The following GALNT2 variants were observed in gnomAD, a reference collection of about 807,000 sequenced individuals.
GALNT2 encodes the protein UDP-GalNAc:polypeptide N-acetylgalactosaminyltransferase 2.
In GALNT2, 31 loss-of-function variants were observed where a neutral mutation model predicts 81.4. The observed-to-expected ratio is 0.38, with a 90% confidence interval of 0.29 to 0.51. The LOEUF (loss-of-function observed/expected upper bound fraction) is 0.51. GALNT2 is among the 20% of genes least tolerant of loss of function. The pLI, the probability that GALNT2 is intolerant of heterozygous loss-of-function variation, is 0.87. For missense variants in GALNT2, 629 were observed against 765.7 expected, an observed-to-expected ratio of 0.82 and a Z score of 2.11; for synonymous variants, 303 against 287.4, an observed-to-expected ratio of 1.05 and a Z score of -0.55.
chr1:230,245,395 C>T (rs1162055867), intron 7 of GALNT2, among the ~76,000 whole-genome samples: 1 of 151,674 alleles, frequency 6.6e-6, no homozygotes, highest in Non-Finnish European at 1.5e-5. Flanking sequence ...ACCCGCGAGG[C>T]GGCGGTTGTG....
At chr1:230,059,855 C>T (rs559421300) in intron 1 of GALNT2, among the ~76,000 whole-genome samples, 1 of 152,206 alleles carries the variant, frequency 6.6e-6, no homozygotes, top group Non-Finnish European at 1.5e-5. Flanking sequence ...GCCCCCTTAA[C>T]CCTTGATACT....
upstream of GALNT2, among the ~76,000 whole-genome samples, chr1:230,064,025 A>G (rs1453102626): frequency 6.6e-6 from 1 of 152,156 alleles, no homozygotes; most frequent in Non-Finnish European, 1.5e-5. Flanking sequence ...TGCTATTTTT[A>G]GAACTTTTGG....
At chr1:230,195,926 C>A (rs1427007143) in intron 2 of GALNT2, among the ~76,000 whole-genome samples, 1 of 152,106 alleles carries the variant, frequency 6.6e-6, no homozygotes, top group Non-Finnish European at 1.5e-5. Flanking sequence ...AGGGGCAGGG[C>A]CTTCCTGAGC....
chr1:230,234,807 G>A (rs1451274690), intron 3 of GALNT2, among the ~76,000 whole-genome samples: 1 of 152,182 alleles, frequency 6.6e-6, no homozygotes, highest in East Asian at 1.9e-4. Flanking sequence ...TGTAGACCCT[G>A]CTTTGAAGGG....
intron 1 of GALNT2, among the ~76,000 whole-genome samples, chr1:230,124,122 T>G (rs963362571): frequency 3.3e-5 from 5 of 152,154 alleles, no homozygotes; most frequent in Non-Finnish European, 7.4e-5. Flanking sequence ...TAAAAAGAAG[T>G]AAAGACATTG....
intron 2 of GALNT2, among the ~76,000 whole-genome samples, chr1:230,182,996 T>TTG (rs1335781602): frequency 6.6e-6 from 1 of 152,236 alleles, no homozygotes; most frequent in African/African-American, 2.4e-5. Context: ...TAAAAAATCA[T>TTG]TGTGTAGTTC....
At chr1:230,100,873 G>A (rs537391224) in intron 1 of GALNT2, among the ~76,000 whole-genome samples, 2 of 151,278 alleles carry the variant, frequency 1.3e-5, no homozygotes, top group East Asian at 3.9e-4. Flanking sequence ...AAATATACAT[G>A]TACACATGCG....
At chr1:230,190,690 A>T (rs1171152434) in intron 2 of GALNT2, among the ~76,000 whole-genome samples, 1 of 152,016 alleles carries the variant, frequency 6.6e-6, no homozygotes, top group Non-Finnish European at 1.5e-5. Flanking sequence ...GCAGTTCCCT[A>T]CCATCTGCTT....
At chr1:230,167,082 T>C (rs1371340535) in intron 1 of GALNT2, among the ~76,000 whole-genome samples, 2 of 140,504 alleles carry the variant, frequency 1.4e-5, no homozygotes, top group Non-Finnish European at 3.2e-5. Flanking sequence ...TTGCATATCA[T>C]TCTGAGACTC....
intron 1 of GALNT2, among the ~76,000 whole-genome samples, chr1:230,074,174 C>T (rs1338240936): frequency 6.6e-6 from 1 of 151,956 alleles, no homozygotes; most frequent in African/African-American, 2.4e-5. Flanking sequence ...CTAACTGTAG[C>T]CTCAAACTCC....
intron 13 of GALNT2, 38 bp from the exon 14 acceptor site, chr1:230,265,203 T>A: frequency 6.2e-7 from 1 of 1,613,624 alleles, no homozygotes; most frequent in Non-Finnish European, 8.5e-7. Flanking sequence ...CTGGTGGTCA[T>A]GTGCAGTGAA....
intron 1 of GALNT2, among the ~76,000 whole-genome samples, chr1:230,162,881 A>C (rs1662478543): frequency 6.6e-6 from 1 of 152,192 alleles, no homozygotes; most frequent in Non-Finnish European, 1.5e-5. Context: ...TCACATTTCC[A>C]CATGACTGTC....
chr1:230,167,727 C>T (rs748000238), intron 1 of GALNT2, among the ~76,000 whole-genome samples: 3 of 152,074 alleles, frequency 2.0e-5, no homozygotes, highest in Non-Finnish European at 4.4e-5. Flanking sequence ...TGGAGCAGCA[C>T]GGGTGTGAAA....
intron 1 of GALNT2, among the ~76,000 whole-genome samples, chr1:230,101,985 C>A (rs747577801): frequency 3.8e-4 from 58 of 152,224 alleles, no homozygotes; most frequent in Non-Finnish European, 6.2e-4. Flanking sequence ...AATTAGCTCT[C>A]CTCTTTGTTT....
chr1:230,105,631 A>G (rs1389470539), intron 1 of GALNT2, among the ~76,000 whole-genome samples: 2 of 152,130 alleles, frequency 1.3e-5, no homozygotes, highest in Non-Finnish European at 2.9e-5. Flanking sequence ...GTCAGCACGG[A>G]TGAGGTGGGA....
chr1:230,133,608 C>T (rs961193789), intron 1 of GALNT2, among the ~76,000 whole-genome samples: 8 of 152,110 alleles, frequency 5.3e-5, no homozygotes, highest in Admixed American at 1.3e-4. Context: ...CGCCCGCCAC[C>T]GCGCCCAGCT....
At chr1:230,089,923 G>A (rs1328626191) in intron 1 of GALNT2, among the ~76,000 whole-genome samples, 1 of 152,148 alleles carries the variant, frequency 6.6e-6, no homozygotes, top group African/African-American at 2.4e-5. Flanking sequence ...TGGAACTGCT[G>A]GATCATATGG....
intron 2 of GALNT2, among the ~76,000 whole-genome samples, chr1:230,195,052 G>A (rs1251747529): frequency 6.6e-6 from 1 of 152,236 alleles, no homozygotes; most frequent in African/African-American, 2.4e-5. Flanking sequence ...AGCAAACAAG[G>A]TTAGAAGGGT....
rs560414130 is a variant in GALNT2 at position 230,271,422 on chromosome 1, A to G, written c.1441-3023A>G. Among the ~76,000 whole-genome samples the G allele has an allele frequency of 3.3e-5, 5 of 152,232 alleles. No homozygotes were observed. Among genetic ancestry groups the G allele is most frequent in the Admixed American group, 6.5e-5 (1 of 15,296 alleles). On this transcript the variant is annotated intron_variant, in intron 14 of 15. Coordinates refer to ENST00000366672, the MANE Select transcript of GALNT2 (RefSeq NM_004481.5). The surrounding 1 kb of genome is among the most constrained non-coding windows in gnomAD (Gnocchi z 4.2). ...CACCAAGCAATTCTCCAATTCTCCA[A>G]TTCTCTGCGGACACTGAGTGTCATG...
Sources: gnomAD v4.1 joint callset for allele counts (sites outside exome capture counted in the v4.1 genomes callset) on GRCh38, gnomAD v4.1.1 for gene constraint, Gnocchi (gnomAD v3.1) non-coding constraint, MANE v1.5 for transcripts, NCBI Gene and HGNC (gene_info 2026-07-23, HGNC 2026-07-21) for gene names.